PTPRT: variants seen among roughly 807,000 people sequenced by gnomAD.
The protein encoded by PTPRT is receptor-type tyrosine-protein phosphatase T.
In PTPRT, 56 loss-of-function variants were observed where a neutral mutation model predicts 176.8. The observed-to-expected ratio is 0.32, with a 90% CI of 0.26 to 0.40. PTPRT has a LOEUF of 0.40. Ranked by LOEUF, PTPRT falls within the 10% of genes least tolerant of loss-of-function variation. The pLI, the probability that PTPRT is intolerant of heterozygous loss-of-function variation, is 1.00. For synonymous variants in PTPRT, 783 were observed against 739.0 expected (o/e 1.06, Z -0.96); for missense variants, 1,540 against 1,908.2 (o/e 0.81, Z 3.60).
chr20:43,068,214 C>A (rs1270276950), intron 1 of PTPRT, among the ~76,000 whole-genome samples: 1 of 145,856 alleles, frequency 6.9e-6, no homozygotes. Flanking sequence ...ATTTTTAAAA[C>A]GAATTAGGGG....
intron 2 of PTPRT, among the ~76,000 whole-genome samples, chr20:42,796,621 T>C (rs2077459146): frequency 6.6e-6 from 1 of 152,210 alleles, no homozygotes; most frequent in African/African-American, 2.4e-5. Context: ...AGATAGCTAT[T>C]TAAGAGGGAA....
chr20:43,128,021 A>C (rs976174432), intron 1 of PTPRT, among the ~76,000 whole-genome samples: 4 of 151,918 alleles, frequency 2.6e-5, no homozygotes, highest in Non-Finnish European at 5.9e-5. Flanking sequence ...AGAGCTTAAC[A>C]AAAAGCTACT....
At chr20:42,665,983 C>A (rs976981534) in intron 7 of PTPRT, among the ~76,000 whole-genome samples, 3 of 151,430 alleles carry the variant, frequency 2.0e-5, no homozygotes, top group Non-Finnish European at 4.4e-5. Context: ...AGGAGATATA[C>A]CTAATGTTAA....
At position 42,074,105 on chromosome 20, in the gene PTPRT, C is replaced by T. The variant is rs1982546792; in HGVS notation, c.*6774G>A. ...ATATGGACACCATATTCTGCCTGAC[C>T]CCTCAGAAGCCTAACTTTACATGGA... On this transcript the variant is annotated 3_prime_UTR_variant, in exon 31 of 31. Coordinates refer to ENST00000373187, the MANE Select transcript of PTPRT (RefSeq NM_007050.6). 3 of 229,014 alleles carry T rather than the reference C, an allele frequency of 1.3e-5. No individual in the cohort carries two copies. In the Admixed American group the frequency reaches 1.7e-4, roughly 13 times the overall value. 14.2% of individuals were successfully genotyped at this position (229,014 alleles called of 1,614,324 possible). A position where few individuals can be genotyped will look rare whatever the true frequency, so the allele number is the denominator to read the frequency against.
Position 42,561,780 on chromosome 20 carries a change from C to T in PTPRT, c.1154-89218G>A, listed in dbSNP as rs368137312. Among the ~76,000 whole-genome samples the T allele has an allele frequency of 5.9e-5, 9 of 152,298 alleles. No homozygotes were observed. The South Asian group carries it at 1.2e-3, about 21-fold the overall frequency. ...GCTGCCAGTTCACACTGACACGCAC[C>T]GCTGAAGAGCATAAAACTATAAAAT... On this transcript the variant is annotated intron_variant, in intron 7 of 30. Coordinates refer to ENST00000373187, the MANE Select transcript of PTPRT (RefSeq NM_007050.6).
intron 5 of PTPRT, among the ~76,000 whole-genome samples, chr20:42,767,279 GACTCAGTAAAGTGC>G (rs1569143899): frequency 1.3e-5 from 2 of 152,154 alleles, no homozygotes; most frequent in Admixed American, 1.3e-4. Context: ...TGAATCAGTG[GACTCAGTAAAGTGC>G]ATGGCCCTCC....
intron 19 of PTPRT, among the ~76,000 whole-genome samples, chr20:42,127,418 C>T (rs533913443): frequency 6.6e-6 from 1 of 151,694 alleles, no homozygotes; most frequent in East Asian, 1.9e-4. Flanking sequence ...CTCTCTCTCT[C>T]ACACACACAC....
chr20:42,426,828 T>G (rs6016789), intron 9 of PTPRT, among the ~76,000 whole-genome samples: 17,730 of 151,806 alleles, frequency 0.12, 1,017 homozygotes, highest in Middle Eastern at 0.14. Flanking sequence ...CTTGTTTCAA[T>G]AGGTTGGTCA....
chr20:42,679,550 G>T (rs913827253), intron 6 of PTPRT, among the ~76,000 whole-genome samples: 7 of 151,998 alleles, frequency 4.6e-5, no homozygotes, highest in Non-Finnish European at 1.0e-4. Flanking sequence ...GGAAGAAAAT[G>T]GAGAAAAATG....
At chr20:42,680,410 T>G (rs2075583123) in intron 6 of PTPRT, among the ~76,000 whole-genome samples, 1 of 152,182 alleles carries the variant, frequency 6.6e-6, no homozygotes, top group African/African-American at 2.4e-5. Context: ...CAAATTGATT[T>G]TTGGATAATT....
chr20:43,068,207 T>C (rs1169996738), intron 1 of PTPRT, among the ~76,000 whole-genome samples: 2 of 142,504 alleles, frequency 1.4e-5, no homozygotes, highest in Admixed American at 1.4e-4. Context: ...GAGATTGATT[T>C]TTAAAACGAA....
chr20:42,717,905 G>A (rs553926260), intron 6 of PTPRT, among the ~76,000 whole-genome samples: 4 of 152,158 alleles, frequency 2.6e-5, no homozygotes, highest in South Asian at 2.1e-4. Context: ...GTGCACACGC[G>A]CATATGTAAA....
chr20:42,083,820 G>A (rs1379055167), intron 29 of PTPRT, among the ~76,000 whole-genome samples: 1 of 152,228 alleles, frequency 6.6e-6, no homozygotes, highest in African/African-American at 2.4e-5. Context: ...AAGAAGCAAA[G>A]TGAGTGTGAA....
In PTPRT at chr20:43,043,946, G is replaced by A. The variant is rs141096647; in HGVS notation, c.88+145700C>T. Among the ~76,000 whole-genome samples, 20 of 152,226 alleles carry A rather than the reference G, an allele frequency of 1.3e-4. No individual in the cohort carries two copies. In the East Asian group the frequency reaches 3.3e-3, roughly 25 times the overall value. On this transcript the variant is annotated intron_variant, in intron 1 of 30. Transcript: ENST00000373187. Reference sequence around the variant, plus strand: ...TCCTCTGTCTGCTTATCCCACCACAGAGAACAGCTGATATGCCCAAGTCTG... The same window carrying A: ...TCCTCTGTCTGCTTATCCCACCACAAAGAACAGCTGATATGCCCAAGTCTG...
intron 7 of PTPRT, among the ~76,000 whole-genome samples, chr20:42,543,501 C>G (rs543104418): frequency 6.6e-6 from 1 of 152,112 alleles, no homozygotes; most frequent in Admixed American, 6.5e-5. Context: ...ACATGTGGAA[C>G]GACTTCTTCC....
At chr20:42,558,298 C>T (rs1278467987) in intron 7 of PTPRT, among the ~76,000 whole-genome samples, 12 of 152,094 alleles carry the variant, frequency 7.9e-5, no homozygotes, top group African/African-American at 2.4e-4. Flanking sequence ...GCTCCATCCA[C>T]GTCCCTGAAA....
chr20:42,918,007 T>C (rs770651824), intron 1 of PTPRT, among the ~76,000 whole-genome samples: 9 of 152,212 alleles, frequency 5.9e-5, no homozygotes, highest in Non-Finnish European at 1.2e-4. Context: ...TGCATCTCTC[T>C]GATCCTGCAA....
intron 18 of PTPRT, among the ~76,000 whole-genome samples, chr20:42,137,485 G>A (rs1371812002): frequency 1.3e-5 from 2 of 152,160 alleles, no homozygotes; most frequent in Admixed American, 6.5e-5. Context: ...GAACATGGAT[G>A]TGACTTGATG....
intron 2 of PTPRT, 33 bp downstream of exon 2, chr20:42,885,774 C>A: frequency 6.3e-7 from 1 of 1,586,572 alleles, no homozygotes; most frequent in East Asian, 2.3e-5. Context: ...CTAGCCATCC[C>A]CATTACAGCC....
Sources: gnomAD v4.1 joint callset for allele counts (sites outside exome capture counted in the v4.1 genomes callset) on GRCh38, gnomAD v4.1.1 for gene constraint, MANE v1.5 for transcripts, NCBI Gene and HGNC (gene_info 2026-07-23, HGNC 2026-07-21) for gene names.